The following CUL1 variants were observed in gnomAD, a reference collection of about 807,000 sequenced individuals.
CUL1 encodes the protein cullin-1.
Under a neutral mutation model 118.0 loss-of-function variants are expected in CUL1, and 24 were observed. The ratio of observed to expected loss-of-function variants is 0.20; its 90% CI spans 0.15 to 0.29. CUL1 has a LOEUF of 0.29. Among genes scored for constraint, CUL1 ranks in the 10% least tolerant of loss-of-function variants. The pLI, the probability that CUL1 is intolerant of heterozygous loss-of-function variation, is 1.00. For missense variants in CUL1, 361 were observed against 933.8 expected (o/e 0.39, Z 7.99); for synonymous variants, 332 against 340.4 (o/e 0.98, Z 0.27).
intron 2 of CUL1, among the ~76,000 whole-genome samples, chr7:148,737,846 C>T (rs1298556923): frequency 6.6e-6 from 1 of 152,046 alleles, no homozygotes; most frequent in Non-Finnish European, 1.5e-5. Context: ...AATCTGTTCA[C>T]CTCGGCCTCC....
chr7:148,709,768 G>A (rs1237101395), intron 1 of CUL1, among the ~76,000 whole-genome samples: 2 of 152,206 alleles, frequency 1.3e-5, no homozygotes, highest in African/African-American at 4.8e-5. Context: ...TTAACATGCA[G>A]GATATTCTTT....
chr7:148,729,707 G>T (rs548099481), intron 1 of CUL1, among the ~76,000 whole-genome samples: 11 of 152,328 alleles, frequency 7.2e-5, no homozygotes, highest in African/African-American at 2.6e-4. Flanking sequence ...CGAAGGCAAA[G>T]GAAGGCAACA....
intron 7 of CUL1, among the ~76,000 whole-genome samples, chr7:148,766,115 A>G (rs1799994537): frequency 6.6e-6 from 1 of 152,224 alleles, no homozygotes; most frequent in East Asian, 1.9e-4. Flanking sequence ...CCGTAAAATC[A>G]AAGAACTTTT....
At chr7:148,746,517 C>T (rs913557286) in intron 2 of CUL1, among the ~76,000 whole-genome samples, 2 of 152,154 alleles carry the variant, frequency 1.3e-5, no homozygotes, top group African/African-American at 2.4e-5. Flanking sequence ...CTAGAATTAG[C>T]CTTGGACTAC....
chr7:148,754,743 T>C (rs560880126), intron 3 of CUL1, among the ~76,000 whole-genome samples: 1 of 152,128 alleles, frequency 6.6e-6, no homozygotes, highest in East Asian at 1.9e-4. Flanking sequence ...AAGTACTTTT[T>C]TTCTTTTCCT....
At chr7:148,734,397 C>T (rs1470429170) in intron 2 of CUL1, among the ~76,000 whole-genome samples, 1 of 152,158 alleles carries the variant, frequency 6.6e-6, no homozygotes, top group Non-Finnish European at 1.5e-5. Flanking sequence ...GTGCACACCA[C>T]TGCATCTGTC....
At position 148,786,596 on chromosome 7, in the gene CUL1, A is replaced by G; in HGVS notation, c.1344A>G (p.Gln448=). ...CAGAACTAGAAGACACACTCAATCA[A>G]GTGGTAAGTGCTTCATGAGCATACC... ...EEAELEDTLN[Q]VMVVFKYIED... The change falls in exon 12 of 22, where the codon CAA becomes CAG. Residue 448 remains glutamine, a synonymous_variant. Transcript: ENST00000325222. 1 of 1,613,606 alleles carries G rather than the reference A, an allele frequency of 6.2e-7. No individual in the cohort carries two copies. The highest frequency in any genetic ancestry group is 8.5e-7 in the Non-Finnish European group (1 of 1,179,668).
At chr7:148,792,008 G>A (rs983095435) in intron 16 of CUL1, among the ~76,000 whole-genome samples, 7 of 152,102 alleles carry the variant, frequency 4.6e-5, no homozygotes, top group Non-Finnish European at 8.8e-5. Flanking sequence ...CCAGCATGGC[G>A]AAACCCCATC....
intron 2 of CUL1, among the ~76,000 whole-genome samples, chr7:148,736,095 G>A (rs1244610507): frequency 5.3e-5 from 8 of 151,498 alleles, no homozygotes; most frequent in Admixed American, 2.6e-4. Context: ...AAACACTTGC[G>A]CCTGGGAGGT....
In CUL1 at chr7:148,787,736, CTG is replaced by C. The variant is rs1240082201; in HGVS notation, c.1479+619_1479+620del. Among the ~76,000 whole-genome samples, 2 of 152,186 alleles carry C rather than the reference CTG, an allele frequency of 1.3e-5. No individual in the cohort carries two copies. The highest frequency in any genetic ancestry group is 2.9e-5 in the Non-Finnish European group (2 of 68,038). Reference sequence around the variant, plus strand: ...CTTGCAGCACATTCACACTTCCACACTGTGCTGGCCTGGAGCTGAGTGGAGGT... The same window carrying C: ...CTTGCAGCACATTCACACTTCCACACTGCTGGCCTGGAGCTGAGTGGAGGT... On this transcript the variant is annotated intron_variant, in intron 13 of 21. Coordinates refer to ENST00000325222, the MANE Select transcript of CUL1 (RefSeq NM_003592.3). This position sits in a 1 kb window ranked among gnomAD's most constrained non-coding sequence, Gnocchi z 5.5.
chr7:148,738,743 G>A (rs1289719112), intron 2 of CUL1, among the ~76,000 whole-genome samples: 8 of 152,046 alleles, frequency 5.3e-5, no homozygotes, highest in Non-Finnish European at 1.0e-4. Context: ...TTTTATCTCT[G>A]ATGTTTTTGC....
At chr7:148,785,301 T>C (rs1471051821) in intron 11 of CUL1, among the ~76,000 whole-genome samples, 6 of 152,132 alleles carry the variant, frequency 3.9e-5, no homozygotes, top group Admixed American at 1.3e-4. Context: ...GGGGGCTGCA[T>C]GTTATGACTA....
chr7:148,799,371 C>G lies in CUL1; in HGVS notation c.2233C>G (p.Arg745Gly). ...TCAGCTGTCCTCCAGGTTCAAACCT[C>G]GAGTCCCTGTGATCAAGGTACAGGA... ...LTQLSSRFKP[R>G]VPVIKKCIDI... Residue 745 changes from arginine (R) to glycine (G), a missense_variant, in exon 21 of 22, where the codon CGA (arginine) becomes GGA (glycine). Physicochemically the swap from Arg to Gly is moderately radical, Grantham distance 125. This residue lies in a region of CUL1 where 24 missense variants were observed against 126.7 expected (regional missense o/e 0.19). Coordinates refer to ENST00000325222, the MANE Select transcript of CUL1 (RefSeq NM_003592.3). 6.2e-7 allele frequency: 1 copy of G among 1,611,312 alleles called. No individual in the cohort carries two copies. Among genetic ancestry groups the G allele is most frequent in the Non-Finnish European group, 8.5e-7 (1 of 1,177,404 alleles).
In CUL1 at chr7:148,711,357, G is replaced by A. The variant is rs190001362; in HGVS notation, c.-162+12328G>A. 1.6e-3 allele frequency among the ~76,000 whole-genome samples: 250 copies of A among 152,276 alleles called. 1 individual carries two copies. The Middle Eastern group carries it at 0.027, about 17-fold the overall frequency. On this transcript the variant is annotated intron_variant, in intron 1 of 21. Coordinates refer to ENST00000325222, the MANE Select transcript of CUL1 (RefSeq NM_003592.3). ...AATGGGGGTGCAAATCTGACAGGTG[G>A]AACCACAGGTGCGGTGGGTGACATC...
chr7:148,759,446 C>T (rs1799769231), intron 5 of CUL1, 92 bp downstream of exon 5: 2 of 1,450,558 alleles, frequency 1.4e-6, no homozygotes, highest in East Asian at 4.5e-5. Context: ...TTCGGATTAT[C>T]CCATCTTACA....
chr7:148,800,908 G>C lies in CUL1; in HGVS notation c.*326G>C, dbSNP rs1801366462. 2 of 215,466 alleles carry C rather than the reference G, an allele frequency of 9.3e-6. No individual in the cohort carries two copies. The highest frequency in any genetic ancestry group is 1.8e-5 in the Non-Finnish European group (2 of 108,780). 13.3% of individuals were successfully genotyped at this position (215,466 alleles called of 1,614,324 possible). On this transcript the variant is annotated 3_prime_UTR_variant, in exon 22 of 22. Coordinates refer to ENST00000325222, the MANE Select transcript of CUL1 (RefSeq NM_003592.3). This position sits in a 1 kb window ranked among gnomAD's most constrained non-coding sequence, Gnocchi z 4.6. ...CGCAGCTGTCGTCTTGGCAGCACTT[G>C]TCACGTTGGCAGCACTTTGAGAGCA...
intron 1 of CUL1, among the ~76,000 whole-genome samples, chr7:148,711,714 G>T (rs1318951974): frequency 1.3e-5 from 2 of 152,208 alleles, no homozygotes; most frequent in African/African-American, 4.8e-5. Context: ...TTGATGAATA[G>T]ATTCATGTTC....
At chr7:148,723,499 A>G (rs1159557679) in intron 1 of CUL1, among the ~76,000 whole-genome samples, 2 of 152,190 alleles carry the variant, frequency 1.3e-5, no homozygotes, top group Admixed American at 6.5e-5. Context: ...TCAATATCAT[A>G]TTTATCAGAT....
chr7:148,772,786 G>GT (rs1458698444), intron 9 of CUL1, among the ~76,000 whole-genome samples: 1 of 152,062 alleles, frequency 6.6e-6, no homozygotes, highest in Non-Finnish European at 1.5e-5. Context: ...CTCATGCCTT[G>GT]TTCATCATAA....
Sources: gnomAD v4.1 joint callset for allele counts (sites outside exome capture counted in the v4.1 genomes callset) on GRCh38, gnomAD v4.1.1 for gene constraint, gnomAD v4.1.1 regional missense constraint, Gnocchi (gnomAD v3.1) non-coding constraint, MANE v1.5 for transcripts, NCBI Gene and HGNC (gene_info 2026-07-23, HGNC 2026-07-21) for gene names.